The following CDKN2B-AS1 variants were observed in gnomAD, a reference collection of about 807,000 sequenced individuals.
CDKN2B-AS1 encodes the protein CDKN2B and CDKN2A antisense cis and trans regulatory RNA 1, also known as CDKN2B antisense RNA 1 (non-protein coding).
intron 1 of CDKN2B-AS1, chr9:22,029,996 A>C (rs1171621944): frequency 6.6e-6 from 1 of 152,346 alleles, no homozygotes. Flanking sequence ...AATCGATTTT[A>C]AGTCTATTTT....
intron 4 of CDKN2B-AS1, among the ~76,000 whole-genome samples, chr9:22,069,404 A>G (rs1824196420): frequency 6.6e-6 from 1 of 152,208 alleles, no homozygotes; most frequent in Non-Finnish European, 1.5e-5. Flanking sequence ...TTGTGCACTC[A>G]ACCAACTCTA....
chr9:22,004,709 A>G (rs995112848), intron 1 of CDKN2B-AS1: 3 of 232,800 alleles, frequency 1.3e-5, no homozygotes, highest in Non-Finnish European at 2.5e-5. Context: ...GAGCCATCAT[A>G]TATTTTCAAG....
intron 1 of CDKN2B-AS1, among the ~76,000 whole-genome samples, chr9:22,038,489 T>C (rs553587243): frequency 3.0e-4 from 45 of 152,142 alleles, no homozygotes; most frequent in African/African-American, 1.1e-3. Flanking sequence ...CTGCCTCTTT[T>C]AAAAATCTTT....
intron 4 of CDKN2B-AS1, among the ~76,000 whole-genome samples, chr9:22,068,516 G>A (rs1364985668): frequency 6.6e-6 from 1 of 152,200 alleles, no homozygotes; most frequent in Non-Finnish European, 1.5e-5. Context: ...GAGTTTGACA[G>A]AGAGCGTGGT....
intron 4 of CDKN2B-AS1, among the ~76,000 whole-genome samples, chr9:22,071,823 G>A (rs1336448327): frequency 6.6e-6 from 1 of 152,164 alleles, no homozygotes; most frequent in African/African-American, 2.4e-5. Flanking sequence ...AAAGTGAATA[G>A]TTACTTCTAG....
intron 4 of CDKN2B-AS1, among the ~76,000 whole-genome samples, chr9:22,075,557 A>C (rs1359464134): frequency 6.6e-6 from 1 of 152,218 alleles, no homozygotes; most frequent in African/African-American, 2.4e-5. Flanking sequence ...TTAAAACCAC[A>C]ACCCCCAAAT....
chr9:22,058,643 T>C (rs1051506956), intron 4 of CDKN2B-AS1: 1 of 152,340 alleles, frequency 6.6e-6, no homozygotes, highest in Non-Finnish European at 1.5e-5. Context: ...AGAATTATTC[T>C]TACTCATGGC....
chr9:22,055,963 G>T (rs1233536451), intron 3 of CDKN2B-AS1, among the ~76,000 whole-genome samples: 1 of 151,904 alleles, frequency 6.6e-6, no homozygotes, highest in East Asian at 1.9e-4. Flanking sequence ...GAGGAAGAAA[G>T]CATATTTTAT....
At chr9:22,124,017 A>G (rs1826142058) in intron 4 of CDKN2B-AS1, among the ~76,000 whole-genome samples, 1 of 152,234 alleles carries the variant, frequency 6.6e-6, no homozygotes, top group African/African-American at 2.4e-5. Context: ...TAAAACTTAT[A>G]CAGGTATCAT....
rs1314738982 is a variant in CDKN2B-AS1, at chr9:22,090,011, T to A, written n.438+33624T>A. Among the ~76,000 whole-genome samples the A allele has an allele frequency of 5.5e-5, 7 of 127,190 alleles. No homozygotes were observed. The South Asian group carries it at 1.8e-3, about 33-fold the overall frequency. The allele number at this position is 127,190 out of a possible 152,430, so 83.4% of individuals were successfully genotyped here. ...CCCCACAACAGGCCCCGGTGTGTGA[T>A]GTTCCCCTTCCTGTGTCCATTTGTT... On this transcript the variant is annotated intron_variant and non_coding_transcript_variant, in intron 4 of 4. Coordinates refer to ENST00000650946, the Ensembl canonical transcript of CDKN2B-AS1.
intron 1 of CDKN2B-AS1, among the ~76,000 whole-genome samples, chr9:22,007,175 C>T (rs1310773527): frequency 1.3e-5 from 2 of 152,102 alleles, no homozygotes; most frequent in Non-Finnish European, 2.9e-5. Flanking sequence ...GCCTGGCCAA[C>T]ATGGTGAAAT....
At chr9:22,007,564 A>G (rs1162338484) in intron 1 of CDKN2B-AS1, among the ~76,000 whole-genome samples, 1 of 152,108 alleles carries the variant, frequency 6.6e-6, no homozygotes, top group Non-Finnish European at 1.5e-5. Flanking sequence ...AAATCGAGTT[A>G]TTTGTTATGG....
At chr9:22,032,498 C>G (rs1822518609) in intron 1 of CDKN2B-AS1, among the ~76,000 whole-genome samples, 1 of 152,150 alleles carries the variant, frequency 6.6e-6, no homozygotes, top group Admixed American at 6.5e-5. Flanking sequence ...TGAGGTGCAT[C>G]TGTAGAAGGT....
intron 2 of CDKN2B-AS1, chr9:22,049,091 A>G (rs994048582): frequency 6.6e-6 from 1 of 152,110 alleles, no homozygotes; most frequent in Admixed American, 6.6e-5. Flanking sequence ...CTAATACACT[A>G]TGTGGTTCTT....
Position 22,001,925 on chromosome 9 carries a change from C to T in CDKN2B-AS1, n.29+6764C>T, listed in dbSNP as rs1361135257. On this transcript the variant is annotated intron_variant and non_coding_transcript_variant, in intron 1 of 4. Coordinates refer to ENST00000650946, the Ensembl canonical transcript of CDKN2B-AS1. The surrounding 1 kb of genome is among the most constrained non-coding windows in gnomAD (Gnocchi z 4.2). ...CTTGTTTCACTTTTCTTCATTCCCT[C>T]TTTCTTTCCTGTCGTTATAAGTAGA... Among the ~76,000 whole-genome samples, 3 of 152,084 alleles carry T rather than the reference C, an allele frequency of 2.0e-5. No individual in the cohort carries two copies. The highest frequency in any genetic ancestry group is 4.4e-5 in the Non-Finnish European group (3 of 67,948).
chr9:22,072,284 G>C (rs943484732), intron 4 of CDKN2B-AS1, among the ~76,000 whole-genome samples: 4 of 152,078 alleles, frequency 2.6e-5, no homozygotes, highest in Non-Finnish European at 5.9e-5. Context: ...TTATAATGAA[G>C]CAATTAATTT....
chr9:22,046,232 A>G (rs1403867815), intron 1 of CDKN2B-AS1: 1 of 152,166 alleles, frequency 6.6e-6, no homozygotes, highest in Admixed American at 6.6e-5. Context: ...CTTAGGCACT[A>G]TGCTAGGAAG....
intron 4 of CDKN2B-AS1, among the ~76,000 whole-genome samples, chr9:22,072,437 GAC>G (rs530701893): frequency 5.5e-4 from 84 of 152,308 alleles, no homozygotes; most frequent in African/African-American, 1.9e-3. Flanking sequence ...GACAGACAGA[GAC>G]ACTAGTTATG....
At chr9:22,008,657 T>C in intron 1 of CDKN2B-AS1, 2 of 1,604,296 alleles carry the variant, frequency 1.2e-6, no homozygotes, top group South Asian at 2.2e-5. Flanking sequence ...AAGCCTGTTT[T>C]ACGCGTGGAA....
Sources: gnomAD v4.1 joint callset for allele counts (sites outside exome capture counted in the v4.1 genomes callset) on GRCh38, gnomAD v4.1.1 for gene constraint, Gnocchi (gnomAD v3.1) non-coding constraint, MANE v1.5 for transcripts, NCBI Gene and HGNC (gene_info 2026-07-23, HGNC 2026-07-21) for gene names.